The following SMIM43 variants were observed in gnomAD, a reference collection of about 807,000 sequenced individuals.
The protein encoded by SMIM43 is Nodal Enhanced MEsendoderm Peptide.
intron 5 of SMIM43, among the ~76,000 whole-genome samples, chr4:121,760,946 T>C (rs993479271): frequency 2.6e-5 from 4 of 152,240 alleles, no homozygotes; most frequent in African/African-American, 9.6e-5. Flanking sequence ...TTTTTCTGCA[T>C]GCTTATTAAG....
intron 3 of SMIM43, 177 bp downstream of exon 3, chr4:121,762,550 A>C (rs146989687): frequency 6.6e-6 from 1 of 152,286 alleles, no homozygotes; most frequent in East Asian, 1.9e-4. Flanking sequence ...AATAGGAATA[A>C]ATATTCATTG....
At chr4:121,765,230 G>A, upstream of SMIM43, 1 of 381,362 alleles carries the variant, frequency 2.6e-6, no homozygotes, top group Non-Finnish European at 4.6e-6. Flanking sequence ...CGCTATGGGC[G>A]CCGACTCCGG....
At chr4:121,765,221 G>A, upstream of SMIM43, 2 of 383,152 alleles carry the variant, frequency 5.2e-6, no homozygotes, top group Non-Finnish European at 9.2e-6. Context: ...AGGGCGTCCC[G>A]CTATGGGCGC....
Position 121,763,853 on chromosome 4 carries a change from T to A in SMIM43, c.*117A>T, listed in dbSNP as rs1726203004. The A allele has an allele frequency of 6.6e-6, 1 of 152,164 alleles. No individual in the cohort carries two copies. The highest frequency in any genetic ancestry group is 2.4e-5 in the African/African-American group (1 of 41,416). 9.4% of individuals were successfully genotyped at this position (152,164 alleles called of 1,614,324 possible). On this transcript the variant is annotated 3_prime_UTR_variant, in exon 2 of 6. Coordinates refer to ENST00000643802, the MANE Select transcript of SMIM43 (RefSeq NM_001384332.1). ...GCAGCTGTGGTCCCCTGAGCACCAG[T>A]CAAGGGCAGCAGCTCGGCTCTAGAA...
rs1294733907 is a variant in SMIM43 at position 121,761,843 on chromosome 4, A to C, written c.*328T>G. 1 of 1,613,100 alleles carries C rather than the reference A, an allele frequency of 6.2e-7. No homozygotes were observed. Among genetic ancestry groups the C allele is most frequent in the African/African-American group, 1.3e-5 (1 of 74,932 alleles). ...CATTGCACTTACAAGTTTGGAAATTAGTGCAACAGCCAAGATTGTCCTGAT... is the reference window on the plus strand; with the variant it reads ...CATTGCACTTACAAGTTTGGAAATTCGTGCAACAGCCAAGATTGTCCTGAT... On this transcript the variant is annotated 3_prime_UTR_variant, in exon 4 of 6. Coordinates refer to ENST00000643802, the MANE Select transcript of SMIM43 (RefSeq NM_001384332.1).
intron 5 of SMIM43, among the ~76,000 whole-genome samples, chr4:121,760,763 A>G (rs1184405572): frequency 6.6e-6 from 1 of 152,222 alleles, no homozygotes; most frequent in Non-Finnish European, 1.5e-5. Context: ...GTAACTTCAG[A>G]GTCATACTAA....
chr4:121,764,965 G>T lies in SMIM43; in HGVS notation c.141C>A (p.Arg47=). The T allele has an allele frequency of 1.0e-5, 4 of 398,602 alleles. No homozygotes were observed. The highest frequency in any genetic ancestry group is 1.8e-5 in the Non-Finnish European group (4 of 225,736). 24.7% of individuals were successfully genotyped at this position (398,602 alleles called of 1,614,324 possible). A position where few individuals can be genotyped will look rare whatever the true frequency, so the allele number is the denominator to read the frequency against. The change falls in exon 1 of 6, where the codon CGC becomes CGA. Residue 47 remains arginine, a synonymous_variant. Transcript: ENST00000643802. ...CCCAAGGCTCGCGGTGCACCGAGAG[G>T]CGCCCGGGCTGGAGCGCCCCGGCCG... is the stretch of plus-strand genomic sequence containing the variant. ...ANTAGALQPG[R]LSVHREPWGF... is the part of the protein sequence containing the mutation.
intron 5 of SMIM43, among the ~76,000 whole-genome samples, chr4:121,761,123 C>CA (rs10577662): frequency 0.029 from 4,248 of 147,656 alleles, 216 homozygotes; most frequent in African/African-American, 0.1. Context: ...CTGATTCAAA[C>CA]AAAAAAAAAA....
chr4:121,761,528 T>A lies in SMIM43; in HGVS notation c.*499+10A>T, dbSNP rs749955641. On this transcript the variant is annotated intron_variant, in intron 5 of 5. Coordinates refer to ENST00000643802, the MANE Select transcript of SMIM43 (RefSeq NM_001384332.1). The stretch of plus-strand genomic sequence containing the variant: ...AACTAAAAATAGAGTATTTCATATT[T>A]TTTACTCACCTAGTTCCAAGTTTCC... 9 of 1,572,222 alleles carry A rather than the reference T, an allele frequency of 5.7e-6. No homozygotes were observed. The highest frequency in any genetic ancestry group is 3.9e-5 in the Admixed American group (2 of 50,774).
At position 121,760,404 on chromosome 4, in the gene SMIM43, C is replaced by T. The variant is rs760397402; in HGVS notation, c.*570G>A. 1.9e-6 allele frequency: 3 copies of T among 1,581,376 alleles called. No homozygotes were observed. In the South Asian group the frequency reaches 3.4e-5, roughly 18 times the overall value. ...CTCTTTAAAAGGAAGTGGATTTGAACTGGCATGCCCCGTTTTCTCTGTGGG... is the reference window on the plus strand; with the variant it reads ...CTCTTTAAAAGGAAGTGGATTTGAATTGGCATGCCCCGTTTTCTCTGTGGG... On this transcript the variant is annotated 3_prime_UTR_variant, in exon 6 of 6. Transcript: ENST00000643802.
chr4:121,762,039 G>A, intron 3 of SMIM43, 147 bp from the exon 4 acceptor site: 1 of 669,090 alleles, frequency 1.5e-6, no homozygotes, highest in Non-Finnish European at 2.5e-6. Context: ...CCTTTTTATT[G>A]AAAATAAAAC....
In SMIM43 at chr4:121,761,702, T is replaced by C; in HGVS notation, c.*342-7A>G. On this transcript the variant is annotated splice_region_variant and splice_polypyrimidine_tract_variant and intron_variant, in intron 4 of 5. Transcript: ENST00000643802. Reference sequence around the variant, plus strand: ...CTGCATCTACAGCTGTGCCCTAAAATTGAAGTTCAGACATAGGAATCTACT... The same window carrying C: ...CTGCATCTACAGCTGTGCCCTAAAACTGAAGTTCAGACATAGGAATCTACT... 6.2e-7 allele frequency: 1 copy of C among 1,611,060 alleles called. No homozygotes were observed. The highest frequency in any genetic ancestry group is 8.5e-7 in the Non-Finnish European group (1 of 1,179,346).
chr4:121,760,991 T>A (rs1726031232), intron 5 of SMIM43, among the ~76,000 whole-genome samples: 1 of 152,212 alleles, frequency 6.6e-6, no homozygotes, highest in South Asian at 2.1e-4. Flanking sequence ...CTTCTGATAA[T>A]CCACCTTCCG....
chr4:121,760,723 G>A (rs1409037113), intron 5 of SMIM43, among the ~76,000 whole-genome samples: 1 of 152,158 alleles, frequency 6.6e-6, no homozygotes, highest in Non-Finnish European at 1.5e-5. Context: ...CATCTTGCTT[G>A]AAGAATCTGT....
intron 2 of SMIM43, among the ~76,000 whole-genome samples, chr4:121,763,032 A>G (rs1479692031): frequency 6.6e-6 from 1 of 152,254 alleles, no homozygotes; most frequent in Non-Finnish European, 1.5e-5. Context: ...AAAGCACAAT[A>G]CAGAATCACT....
chr4:121,761,117 T>C (rs967820188), intron 5 of SMIM43, among the ~76,000 whole-genome samples: 20 of 110,948 alleles, frequency 1.8e-4, no homozygotes, highest in Non-Finnish European at 3.8e-4. Context: ...ATTTCACTGA[T>C]TCAAACAAAA....
At chr4:121,764,762 C>T (rs551807568) in intron 1 of SMIM43, 55 bp downstream of exon 1, 21 of 394,846 alleles carry the variant, frequency 5.3e-5, no homozygotes, top group African/African-American at 3.3e-4. Context: ...AGCGGAGACG[C>T]GGGTCCCTGC....
chr4:121,761,492 A>G (rs777728475), intron 5 of SMIM43, 46 bp downstream of exon 5: 2 of 1,517,480 alleles, frequency 1.3e-6, no homozygotes, highest in South Asian at 2.7e-5. Context: ...AATTGGAAAT[A>G]TAGAATGTCA....
chr4:121,761,804 T>C (rs748947287), intron 4 of SMIM43, 26 bp downstream of exon 4: 10 of 1,612,596 alleles, frequency 6.2e-6, no homozygotes, highest in South Asian at 1.1e-5. Flanking sequence ...TCTTGCCAAG[T>C]AGAACTGCAG....
Sources: gnomAD v4.1 joint callset for allele counts (sites outside exome capture counted in the v4.1 genomes callset) on GRCh38, gnomAD v4.1.1 for gene constraint, MANE v1.5 for transcripts, NCBI Gene and HGNC (gene_info 2026-07-23, HGNC 2026-07-21) for gene names.